Variants in MYH1 observed in about 807,000 individuals in gnomAD.
MYH1 encodes the protein myosin heavy chain 1.
In MYH1, 214 loss-of-function variants were observed where a neutral mutation model predicts 225.6. That is an observed-to-expected ratio of 0.95 (90% CI 0.85 to 1.06). MYH1 has a LOEUF of 1.06. Among genes scored for constraint, MYH1 ranks in the 50% least tolerant of loss-of-function variants. The probability of loss-of-function intolerance (pLI) is 0.00; values close to 1 mark genes in which losing one functional copy is unlikely to be tolerated. For missense variants in MYH1, 2,098 were observed against 2,344.2 expected (o/e 0.89, Z 2.17); for synonymous variants, 774 against 842.3 (o/e 0.92, Z 1.40).
intron 35 of MYH1, among the ~76,000 whole-genome samples, chr17:10,495,652 T>G (rs2142254374): frequency 6.7e-6 from 1 of 150,220 alleles, no homozygotes; most frequent in South Asian, 2.1e-4. Context: ...TCCCAGGTAC[T>G]CCGGAGGCTG....
Position 10,494,599 on chromosome 17 carries a change from A to G in MYH1, c.5541T>C (p.His1847=), listed in dbSNP as rs2142252897. The G allele has an allele frequency of 6.2e-7, 1 of 1,613,970 alleles. No homozygotes were observed. Among genetic ancestry groups the G allele is most frequent in the Non-Finnish European group, 8.5e-7 (1 of 1,179,990 alleles). ...AAGTGAGTTCCTTCACTTTTCTCTC[A>G]TGTTTGCGTAGACCCTTGACAGCTT... is the stretch of plus-strand genomic sequence containing the variant. ...NVEAVKGLRK[H]ERKVKELTYQ... The change falls in exon 38 of 40, where the codon CAT becomes CAC. Residue 1847 remains histidine, a synonymous_variant. Transcript: ENST00000226207.
rs2072997261 is a variant in MYH1, at chr17:10,496,567, G to A, written c.4657-18C>T. ...AGAGATGCCTTAATGACAGCAAGAG[G>A]TGACATTAGTAGAGTAATGGAAGTG... On this transcript the variant is annotated intron_variant, in intron 33 of 39. Coordinates refer to ENST00000226207, the MANE Select transcript of MYH1 (RefSeq NM_005963.4). 4 of 1,613,948 alleles carry A rather than the reference G, an allele frequency of 2.5e-6. No homozygotes were observed. The highest frequency in any genetic ancestry group is 4.5e-5 in the East Asian group (2 of 44,890).
At chr17:10,512,829 T>C (rs2073186855) in intron 10 of MYH1, 38 bp downstream of exon 10, 1 of 1,607,126 alleles carries the variant, frequency 6.2e-7, no homozygotes, top group African/African-American at 1.3e-5. Flanking sequence ...TAGAAGATAG[T>C]ACAGTGACAA....
rs755097174 is a variant in MYH1, at chr17:10,497,864, T to C, written c.4235A>G (p.Asn1412Ser). The C allele has an allele frequency of 4.6e-5, 74 of 1,613,264 alleles. 1 individual carries two copies. The South Asian group carries it at 7.9e-4, about 17-fold the overall frequency. The change falls in exon 31 of 40, where the codon AAT becomes AGT. Residue 1412 changes from asparagine (N) to serine (S), a missense_variant. Coordinates refer to ENST00000226207, the MANE Select transcript of MYH1 (RefSeq NM_005963.4). ...CTTCTCAAGGGAAGCACATTTGGCA[T>C]TCACAGCTTCTACATGTTCCTCAGC... is the stretch of plus-strand genomic sequence containing the variant. ...QDAEEHVEAV[N>S]AKCASLEKTK...
intron 28 of MYH1, 56 bp downstream of exon 28, chr17:10,500,570 G>A: frequency 6.2e-7 from 1 of 1,607,818 alleles, no homozygotes; most frequent in Non-Finnish European, 8.5e-7. Flanking sequence ...TTTTTCAGTG[G>A]ATTACACATG....
At position 10,504,888 on chromosome 17, in the gene MYH1, C is replaced by T. The variant is rs2073093434; in HGVS notation, c.2613G>A (p.Glu871=). The T allele has an allele frequency of 1.2e-6, 2 of 1,613,902 alleles. No individual in the cohort carries two copies. Among genetic ancestry groups the T allele is most frequent in the African/African-American group, 2.7e-5 (2 of 74,886 alleles). ...EKTKEELAKT[E]AKRKELEEKM... ...TTTCTTCCAGCTCTTTCCTTTTTGC[C>T]TCGGTCTTAGCCAGCTCTTCTTTGG... The change falls in exon 22 of 40, where the codon GAG becomes GAA. Residue 871 remains glutamate (E), a synonymous_variant. Transcript: ENST00000226207.
intron 24 of MYH1, 127 bp from the exon 25 acceptor site, chr17:10,502,038 G>A: frequency 1.8e-5 from 17 of 950,802 alleles, no homozygotes; most frequent in Non-Finnish European, 2.4e-5. Context: ...TTGTCCCATT[G>A]ATTCCATTCT....
Position 10,502,817 on chromosome 17 carries a change from A to G in MYH1, c.3032T>C (p.Leu1011Pro). ...GTCCTCCTCTGCCTGCAGGTCATCC[A>G]GGGTCTGCTGGTGGGCCTCCTGGAG... ...KALQEAHQQT[L>P]DDLQAEEDKV... The change falls in exon 24 of 40, where the codon CTG becomes CCG. Residue 1011 changes from leucine to proline, a missense_variant. Transcript: ENST00000226207. The G allele has an allele frequency of 2.5e-6, 4 of 1,614,066 alleles. No individual in the cohort carries two copies. Among genetic ancestry groups the G allele is most frequent in the Non-Finnish European group, 2.5e-6 (3 of 1,180,020 alleles).
In MYH1 at chr17:10,496,676, C is replaced by T. The variant is rs188526930; in HGVS notation, c.4657-127G>A. 1.8e-5 allele frequency: 25 copies of T among 1,423,072 alleles called. No individual in the cohort carries two copies. The African/African-American group carries it at 3.6e-4, about 20-fold the overall frequency. The allele number at this position is 1,423,072 out of a possible 1,614,324, so 88.2% of individuals were successfully genotyped here. A position where few individuals can be genotyped will look rare whatever the true frequency, so the allele number is the denominator to read the frequency against. On this transcript the variant is annotated intron_variant, in intron 33 of 39. Coordinates refer to ENST00000226207, the MANE Select transcript of MYH1 (RefSeq NM_005963.4). ...TTTCTAAGTAGTAGTAAGATTTAAA[C>T]AAGAGTGTCATTTTCATGCCTTTGC...
chr17:10,504,370 A>G (rs930574846), intron 22 of MYH1, among the ~76,000 whole-genome samples: 4 of 152,266 alleles, frequency 2.6e-5, no homozygotes, highest in Non-Finnish European at 5.9e-5. Flanking sequence ...AAAAGTTTCT[A>G]AAAATAAAGT....
In MYH1 at chr17:10,492,395, A is replaced by G. The variant is rs759749931; in HGVS notation, c.*21T>C. 6.2e-7 allele frequency: 1 copy of G among 1,609,728 alleles called. No individual in the cohort carries two copies. The highest frequency in any genetic ancestry group is 8.5e-7 in the Non-Finnish European group (1 of 1,178,636). ...TCACATTTTGTGCATTTCTTTGGTC[A>G]CCTTTCAGCAGTTAGATAAATTACT... is the stretch of plus-strand genomic sequence containing the variant. On this transcript the variant is annotated 3_prime_UTR_variant, in exon 40 of 40. Transcript: ENST00000226207.
chr17:10,512,231 C>T (rs572082964), intron 12 of MYH1, 39 bp from the exon 13 acceptor site: 1 of 1,599,132 alleles, frequency 6.3e-7, no homozygotes, highest in Middle Eastern at 1.7e-4. Context: ...ATGACTTACT[C>T]TGGGACCCAC....
intron 33 of MYH1, 74 bp downstream of exon 33, chr17:10,496,995 A>G (rs774883600): frequency 2.4e-5 from 37 of 1,550,322 alleles, no homozygotes; most frequent in Non-Finnish European, 2.9e-5. Flanking sequence ...GTTTCTCTTG[A>G]TTCACCATTC....
chr17:10,505,881 A>C lies in MYH1; in HGVS notation c.2105T>G (p.Val702Gly), dbSNP rs761894427. 7 of 1,614,180 alleles carry C rather than the reference A, an allele frequency of 4.3e-6. No homozygotes were observed. The highest frequency in any genetic ancestry group is 5.9e-6 in the Non-Finnish European group (7 of 1,179,998). Residue 702 changes from valine to glycine, a missense_variant, in exon 19 of 40, where the codon GTG becomes GGG. Val to Gly is a moderately radical substitution (Grantham distance 109). Transcript: ENST00000226207. ...LVLHQLRCNG[V>G]LEGIRICRKG... is the part of the protein sequence containing the mutation. ...CCTGCAGATGCGGATGCCTTCCAGC[A>C]CACCGTTACACCTCAGCTGATGCAG...
intron 2 of MYH1, among the ~76,000 whole-genome samples, chr17:10,517,298 C>T: frequency 6.6e-6 from 1 of 152,140 alleles, no homozygotes; most frequent in East Asian, 1.9e-4. Context: ...ATGTGTGGCT[C>T]TTTGTTTTGC....
chr17:10,501,681 T>C lies in MYH1; in HGVS notation c.3261A>G (p.Lys1087=), dbSNP rs1597437590. Residue 1087 remains lysine (K), a synonymous_variant, in exon 26 of 40, where the codon AAA becomes AAG. Transcript: ENST00000226207. ...TTTGCAGACCGCTCATTTCAAACTC[T>C]TTCCTATTAGAAAAGCCCTTTATGT... The part of the protein sequence containing the change: ...KQQLDEKLKK[K]EFEMSGLQSK... 2 of 1,614,238 alleles carry C rather than the reference T, an allele frequency of 1.2e-6. No homozygotes were observed. The highest frequency in any genetic ancestry group is 1.1e-5 in the South Asian group (1 of 91,082).
intron 17 of MYH1, among the ~76,000 whole-genome samples, chr17:10,507,672 C>T (rs1466068483): frequency 1.3e-5 from 2 of 152,264 alleles, no homozygotes; most frequent in East Asian, 1.9e-4. Flanking sequence ...CTCCTGACTC[C>T]TGTGTCTTCT....
chr17:10,494,173 A>G (rs1454191663), intron 39 of MYH1, among the ~76,000 whole-genome samples, 181 bp downstream of exon 39: 1 of 151,832 alleles, frequency 6.6e-6, no homozygotes, highest in Non-Finnish European at 1.5e-5. Context: ...GCTCTTCCCC[A>G]TCTCTAGAAC....
chr17:10,498,486 A>G, intron 30 of MYH1, 140 bp downstream of exon 30: 1 of 1,176,658 alleles, frequency 8.5e-7, no homozygotes, highest in Middle Eastern at 2.2e-4. Flanking sequence ...TCCTCTCAGA[A>G]TCTCTTCTAA....
Sources: allele counts gnomAD v4.1 joint callset (sites outside exome capture counted in the v4.1 genomes callset), GRCh38; gene constraint gnomAD v4.1.1; transcripts MANE v1.5; gene names NCBI Gene and HGNC (gene_info 2026-07-23, HGNC 2026-07-21).